PDZRN4: variants seen among roughly 807,000 people sequenced by gnomAD.
PDZRN4 encodes the protein PDZ domain containing ring finger 4.
PDZRN4 carries 70 observed loss-of-function variants against 99.0 expected under a neutral mutation model. That is an observed-to-expected ratio of 0.71 (90% CI 0.58 to 0.86). The LOEUF (loss-of-function observed/expected upper bound fraction) is 0.86, where lower values mean the gene tolerates loss of function less well. Among genes scored for constraint, PDZRN4 ranks in the 40% least tolerant of loss-of-function variants. The probability of loss-of-function intolerance (pLI) is 0.00; values close to 1 mark genes in which losing one functional copy is unlikely to be tolerated. For synonymous variants in PDZRN4, 551 were observed against 501.6 expected, an observed-to-expected ratio of 1.10 and a Z score of -1.32; for missense variants, 1,474 against 1,331.2, an observed-to-expected ratio of 1.11 and a Z score of -1.67.
At chr12:41,280,221 G>A (rs773440543) in intron 3 of PDZRN4, among the ~76,000 whole-genome samples, 2 of 152,190 alleles carry the variant, frequency 1.3e-5, no homozygotes, top group African/African-American at 2.4e-5. Context: ...GCAACCCACA[G>A]ACCAAGAGAT....
At chr12:41,197,213 T>C (rs1950779131) in intron 3 of PDZRN4, among the ~76,000 whole-genome samples, 1 of 152,082 alleles carries the variant, frequency 6.6e-6, no homozygotes, top group African/African-American at 2.4e-5. Flanking sequence ...GAAGAGGAAG[T>C]AGACATGTTA....
intron 3 of PDZRN4, among the ~76,000 whole-genome samples, chr12:41,422,480 G>A (rs904233927): frequency 2.0e-5 from 3 of 152,146 alleles, no homozygotes; most frequent in African/African-American, 7.2e-5. Context: ...AATTTATGAA[G>A]GAACAAGGTT....
intron 3 of PDZRN4, among the ~76,000 whole-genome samples, chr12:41,474,376 C>T (rs1399039214): frequency 1.3e-5 from 2 of 152,174 alleles, no homozygotes; most frequent in African/African-American, 4.8e-5. Context: ...ATACAACAGG[C>T]TCAGATCTAA....
intron 3 of PDZRN4, among the ~76,000 whole-genome samples, chr12:41,424,549 G>A (rs1231778177): frequency 6.6e-6 from 1 of 152,066 alleles, no homozygotes; most frequent in African/African-American, 2.4e-5. Flanking sequence ...TTGGTTCAAT[G>A]GATTGAATTT....
chr12:41,532,588 C>T (rs1027789826), intron 5 of PDZRN4, among the ~76,000 whole-genome samples: 17 of 152,076 alleles, frequency 1.1e-4, no homozygotes, highest in Admixed American at 1.1e-3. Context: ...TAATTTTCTC[C>T]ATATGATTAC....
intron 3 of PDZRN4, among the ~76,000 whole-genome samples, chr12:41,197,490 T>C (rs1950781190): frequency 6.6e-6 from 1 of 152,234 alleles, no homozygotes; most frequent in African/African-American, 2.4e-5. Context: ...AGTTTCTAGC[T>C]ATTTCCACAT....
chr12:41,499,470 A>C (rs1938072995), intron 3 of PDZRN4, among the ~76,000 whole-genome samples: 1 of 152,134 alleles, frequency 6.6e-6, no homozygotes, highest in Admixed American at 6.6e-5. Flanking sequence ...AATTATAGGA[A>C]TAATTCATAT....
chr12:41,188,551 G>T lies in PDZRN4; in HGVS notation c.96G>T (p.Pro32=), dbSNP rs551806119. ...GQVLEEPLCT[P]CGHVFCASCL... Reference sequence around the variant, plus strand: ...TGCTTGAAGAGCCCCTGTGCACGCCGTGCGGGCACGTCTTCTGCGCCAGCT... The same window carrying T: ...TGCTTGAAGAGCCCCTGTGCACGCCTTGCGGGCACGTCTTCTGCGCCAGCT... Residue 32 remains proline (P), a synonymous_variant, in exon 1 of 10, where the codon CCG becomes CCT. Transcript: ENST00000402685. 22 of 1,560,370 alleles carry T rather than the reference G, an allele frequency of 1.4e-5. No individual in the cohort carries two copies. The Admixed American group carries it at 4.0e-4, about 28-fold the overall frequency.
At chr12:41,262,754 T>A (rs1390373828) in intron 3 of PDZRN4, among the ~76,000 whole-genome samples, 1 of 152,154 alleles carries the variant, frequency 6.6e-6, no homozygotes, top group Non-Finnish European at 1.5e-5. Flanking sequence ...TGTTTAGATA[T>A]GCTAGATAAT....
chr12:41,380,040 G>A (rs1428300645), intron 3 of PDZRN4, among the ~76,000 whole-genome samples: 4 of 151,888 alleles, frequency 2.6e-5, no homozygotes, highest in Non-Finnish European at 5.9e-5. Context: ...GGATGCATAC[G>A]TATTTCAATT....
chr12:41,465,590 C>CATCATATATAGGTTAATATAATAACA (rs1952917013), intron 3 of PDZRN4, among the ~76,000 whole-genome samples: 1 of 152,122 alleles, frequency 6.6e-6, no homozygotes, highest in South Asian at 2.1e-4. Context: ...CATTTATAGT[C>CATCATATATAGGTTAATATAATAACA]TCTTTGGTGT....
At chr12:41,333,546 G>A (rs1430450278) in intron 3 of PDZRN4, among the ~76,000 whole-genome samples, 3 of 152,078 alleles carry the variant, frequency 2.0e-5, no homozygotes, top group Middle Eastern at 3.2e-3. Flanking sequence ...CCAGTCTCAA[G>A]TTCTACCTCC....
At chr12:41,359,540 T>C (rs541209931) in intron 3 of PDZRN4, among the ~76,000 whole-genome samples, 25 of 152,148 alleles carry the variant, frequency 1.6e-4, no homozygotes, top group African/African-American at 5.3e-4. Context: ...TTCCCAACTG[T>C]AATGGAATCA....
intron 3 of PDZRN4, among the ~76,000 whole-genome samples, chr12:41,503,567 A>G (rs1022848603): frequency 1.3e-5 from 2 of 152,220 alleles, no homozygotes; most frequent in Non-Finnish European, 2.9e-5. Context: ...TTGCAAAAAC[A>G]ATCCTACTTA....
chr12:41,458,154 T>C (rs1252814829), intron 3 of PDZRN4, among the ~76,000 whole-genome samples: 1 of 152,156 alleles, frequency 6.6e-6, no homozygotes, highest in Non-Finnish European at 1.5e-5. Context: ...GGAGAGTGAC[T>C]TTTTTTGTGT....
intron 3 of PDZRN4, among the ~76,000 whole-genome samples, chr12:41,355,888 C>G (rs1361465441): frequency 1.3e-5 from 2 of 151,954 alleles, no homozygotes; most frequent in East Asian, 3.9e-4. Context: ...TATGTGCATG[C>G]CATTACTCAG....
chr12:41,247,468 G>A (rs545167866), intron 3 of PDZRN4, among the ~76,000 whole-genome samples: 3 of 152,240 alleles, frequency 2.0e-5, no homozygotes, highest in Middle Eastern at 3.4e-3. Context: ...AATATAAGTT[G>A]ATTGATTGTT....
At chr12:41,484,938 G>A (rs998180603) in intron 3 of PDZRN4, among the ~76,000 whole-genome samples, 4 of 152,086 alleles carry the variant, frequency 2.6e-5, no homozygotes, top group African/African-American at 9.7e-5. Context: ...CCCTCTGGCT[G>A]TCCAAGGCTG....
In PDZRN4 at chr12:41,573,623, G is replaced by A. The variant is rs1410373134; in HGVS notation, c.2844G>A (p.Gln948=). The change falls in exon 10 of 10, where the codon CAG becomes CAA. Residue 948 remains glutamine (Q), a synonymous_variant. Transcript: ENST00000402685. ...GRYWSKEERK[Q]HLVRAKEQRR... is the part of the protein sequence containing the mutation. ...ACTGGAGCAAAGAGGAGAGAAAGCA[G>A]CACCTGGTTAGGGCCAAAGAGCAGC... is the stretch of plus-strand genomic sequence containing the variant. 19 of 1,614,004 alleles carry A rather than the reference G, an allele frequency of 1.2e-5. No homozygotes were observed. Among genetic ancestry groups the A allele is most frequent in the Non-Finnish European group, 1.5e-5 (18 of 1,180,022 alleles).
Sources: gnomAD v4.1 joint callset for allele counts (sites outside exome capture counted in the v4.1 genomes callset) on GRCh38, gnomAD v4.1.1 for gene constraint, MANE v1.5 for transcripts, NCBI Gene and HGNC (gene_info 2026-07-23, HGNC 2026-07-21) for gene names.